PTPRD: variants seen among roughly 807,000 people sequenced by gnomAD.
The protein encoded by PTPRD is receptor-type tyrosine-protein phosphatase delta.
PTPRD carries 34 observed loss-of-function variants against 214.5 expected under a neutral mutation model. The observed-to-expected ratio is 0.16, with a 90% CI of 0.12 to 0.21. PTPRD has a LOEUF of 0.21. PTPRD is among the 10% of genes least tolerant of loss of function. The pLI is 1.00. For missense variants in PTPRD, 2,545 were observed against 2,398.7 expected (o/e 1.06, Z -1.27); for synonymous variants, 1,128 against 845.7 (o/e 1.33, Z -5.79).
intron 14 of PTPRD, among the ~76,000 whole-genome samples, chr9:8,598,716 G>A (rs1167829629): frequency 6.6e-6 from 1 of 152,062 alleles, no homozygotes; most frequent in Non-Finnish European, 1.5e-5. Flanking sequence ...ATCATGAATG[G>A]GAGAGGATCT....
chr9:9,026,580 G>A (rs1377206110), intron 10 of PTPRD, among the ~76,000 whole-genome samples: 1 of 151,866 alleles, frequency 6.6e-6, no homozygotes, highest in Non-Finnish European at 1.5e-5. Flanking sequence ...ATGTTTTGTT[G>A]CTGCCTATAA....
At chr9:9,111,907 G>A (rs1171443443) in intron 10 of PTPRD, among the ~76,000 whole-genome samples, 1 of 152,038 alleles carries the variant, frequency 6.6e-6, no homozygotes, top group African/African-American at 2.4e-5. Context: ...TGCTCATTAA[G>A]GACGACTGCT....
intron 11 of PTPRD, among the ~76,000 whole-genome samples, chr9:8,793,458 G>A (rs1201123737): frequency 2.0e-5 from 3 of 152,174 alleles, no homozygotes; most frequent in Non-Finnish European, 4.4e-5. Flanking sequence ...GCAGCTTCAT[G>A]AGAGACTCTG....
intron 3 of PTPRD, among the ~76,000 whole-genome samples, chr9:10,091,082 C>G (rs1176025349): frequency 6.6e-6 from 1 of 151,040 alleles, no homozygotes; most frequent in Non-Finnish European, 1.5e-5. Flanking sequence ...CAAATAATGG[C>G]AGAGCTTGAC....
chr9:9,758,102 G>A (rs1300533363), intron 6 of PTPRD, among the ~76,000 whole-genome samples: 7 of 144,524 alleles, frequency 4.8e-5, no homozygotes, highest in Non-Finnish European at 7.4e-5. Context: ...TAACACCTGC[G>A]GGCTGTATTT....
At chr9:9,913,959 C>G (rs1409538861) in intron 5 of PTPRD, among the ~76,000 whole-genome samples, 1 of 152,138 alleles carries the variant, frequency 6.6e-6, no homozygotes, top group Non-Finnish European at 1.5e-5. Flanking sequence ...GACAAGCCGA[C>G]AATAGTGACT....
intron 7 of PTPRD, among the ~76,000 whole-genome samples, chr9:9,580,293 T>C (rs1563832096): frequency 6.6e-6 from 1 of 152,146 alleles, no homozygotes; most frequent in Non-Finnish European, 1.5e-5. Flanking sequence ...CATACTGTTT[T>C]CCATAGAGGT....
At chr9:10,549,889 T>C (rs1365672526) in intron 2 of PTPRD, among the ~76,000 whole-genome samples, 1 of 152,140 alleles carries the variant, frequency 6.6e-6, no homozygotes, top group Non-Finnish European at 1.5e-5. Flanking sequence ...TCCCAACCAA[T>C]GTGTCTTCTA....
chr9:10,360,895 G>A (rs1314015638), intron 2 of PTPRD, among the ~76,000 whole-genome samples: 4 of 152,118 alleles, frequency 2.6e-5, no homozygotes, highest in Non-Finnish European at 5.9e-5. Context: ...GAGGTCAGGA[G>A]ATCGAGGCCA....
chr9:8,798,204 T>C (rs1486550089), intron 11 of PTPRD, among the ~76,000 whole-genome samples: 1 of 152,188 alleles, frequency 6.6e-6, no homozygotes, highest in African/African-American at 2.4e-5. Flanking sequence ...CTTTTCCCAA[T>C]CAAGTCTTAA....
At chr9:10,125,581 A>G (rs1024174602) in intron 3 of PTPRD, among the ~76,000 whole-genome samples, 4 of 150,106 alleles carry the variant, frequency 2.7e-5, no homozygotes, top group Non-Finnish European at 4.4e-5. Flanking sequence ...CAGCCTCCTG[A>G]GTAGCTGGGA....
intron 11 of PTPRD, among the ~76,000 whole-genome samples, chr9:8,782,287 C>G (rs185878569): frequency 1.6e-4 from 24 of 152,034 alleles, no homozygotes; most frequent in African/African-American, 5.8e-4. Context: ...AAAATCTACT[C>G]TTAGCAATTT....
At chr9:8,390,441 G>C (rs886929768) in intron 36 of PTPRD, among the ~76,000 whole-genome samples, 1 of 152,006 alleles carries the variant, frequency 6.6e-6, no homozygotes, top group Non-Finnish European at 1.5e-5. Flanking sequence ...ACACCCAGCC[G>C]CCATCCCAGA....
At chr9:8,898,262 T>A (rs1382500126) in intron 11 of PTPRD, among the ~76,000 whole-genome samples, 1 of 151,888 alleles carries the variant, frequency 6.6e-6, no homozygotes, top group Non-Finnish European at 1.5e-5. Context: ...AAATGAACTT[T>A]TTTTTTTCTT....
At chr9:9,957,362 G>C (rs1440967551) in intron 4 of PTPRD, among the ~76,000 whole-genome samples, 1 of 151,914 alleles carries the variant, frequency 6.6e-6, no homozygotes, top group Non-Finnish European at 1.5e-5. Context: ...TAACAAGAAA[G>C]GACTTGTACA....
intron 14 of PTPRD, among the ~76,000 whole-genome samples, chr9:8,534,221 C>T (rs1334960561): frequency 6.6e-6 from 1 of 151,984 alleles, no homozygotes; most frequent in Non-Finnish European, 1.5e-5. Flanking sequence ...TTTTCAGTTC[C>T]TACGTGTCAG....
chr9:8,463,949 A>C (rs1477459239), intron 32 of PTPRD, among the ~76,000 whole-genome samples: 1 of 152,020 alleles, frequency 6.6e-6, no homozygotes, highest in Non-Finnish European at 1.5e-5. Context: ...AAAGAAAATA[A>C]ATATCATAGA....
chr9:10,204,524 G>C (rs2099456820), intron 3 of PTPRD, among the ~76,000 whole-genome samples: 1 of 152,014 alleles, frequency 6.6e-6, no homozygotes, highest in Non-Finnish European at 1.5e-5. Flanking sequence ...TGAACAAGCA[G>C]ATAAATTGAG....
At chr9:10,004,389 T>A (rs1336731636) in intron 4 of PTPRD, among the ~76,000 whole-genome samples, 1 of 151,944 alleles carries the variant, frequency 6.6e-6, no homozygotes, top group Non-Finnish European at 1.5e-5. Flanking sequence ...ATTAATACAT[T>A]TTATATTTAA....
Sources: allele counts gnomAD v4.1 joint callset (sites outside exome capture counted in the v4.1 genomes callset), GRCh38; gene constraint gnomAD v4.1.1; transcripts MANE v1.5; gene names NCBI Gene and HGNC (gene_info 2026-07-23, HGNC 2026-07-21).